The following LAMA2 variants were observed in gnomAD, a reference collection of about 807,000 sequenced individuals.
The protein encoded by LAMA2 is laminin subunit alpha-2.
A neutral mutation model predicts 364.8 loss-of-function variants in LAMA2; 269 were observed. The ratio of observed to expected loss-of-function variants is 0.74; its 90% CI spans 0.67 to 0.82. The LOEUF is 0.82. Among genes scored for constraint, LAMA2 ranks in the 40% least tolerant of loss-of-function variants. The probability of loss-of-function intolerance (pLI) is 0.00; values close to 1 mark genes in which losing one functional copy is unlikely to be tolerated. For synonymous variants in LAMA2, 1,379 were observed against 1,370.6 expected (o/e 1.01, Z -0.14); for missense variants, 3,807 against 3,873.2 (o/e 0.98, Z 0.45).
intron 45 of LAMA2, 42 bp downstream of exon 45, chr6:129,445,863 T>C (rs767069876): frequency 6.4e-7 from 1 of 1,550,640 alleles, no homozygotes; most frequent in Non-Finnish European, 8.9e-7. Flanking sequence ...TGATTGTAAT[T>C]GTTGGATTAT....
chr6:129,229,582 G>C (rs1784546385), intron 12 of LAMA2, among the ~76,000 whole-genome samples: 1 of 152,166 alleles, frequency 6.6e-6, no homozygotes, highest in South Asian at 2.1e-4. Context: ...TTGTTACTTT[G>C]AGAGTTGGTT....
At chr6:128,970,222 G>GTTTTT (rs1782104055) in intron 1 of LAMA2, among the ~76,000 whole-genome samples, 1 of 151,708 alleles carries the variant, frequency 6.6e-6, no homozygotes. Context: ...TTTTTGTTTT[G>GTTTTT]TTTAATCAAT....
At chr6:129,394,797 C>T (rs978225981) in intron 37 of LAMA2, among the ~76,000 whole-genome samples, 7 of 152,240 alleles carry the variant, frequency 4.6e-5, no homozygotes, top group African/African-American at 9.6e-5. Flanking sequence ...TTTAGCTATT[C>T]GTTTCTTTTA....
At position 129,478,756 on chromosome 6, in the gene LAMA2, G is replaced by A. The variant is rs200364360; in HGVS notation, c.7515G>A (p.Pro2505=). The A allele has an allele frequency of 9.9e-5, 159 of 1,612,428 alleles. No individual in the cohort carries two copies. The highest frequency in any genetic ancestry group is 1.2e-4 in the Non-Finnish European group (137 of 1,178,646). ...AAGATATTGAAATTTCAAGAACTCC[G>A]TACAATATACTCAGTAGTCCCGATT... ...CLKDIEISRT[P]YNILSSPDYV... Residue 2505 remains proline, a synonymous_variant, in exon 54 of 65, where the codon CCG becomes CCA. Coordinates refer to ENST00000421865, the MANE Select transcript of LAMA2 (RefSeq NM_000426.4).
intron 63 of LAMA2, among the ~76,000 whole-genome samples, chr6:129,513,450 T>C (rs2114935030): frequency 6.6e-6 from 1 of 152,330 alleles, no homozygotes; most frequent in Non-Finnish European, 1.5e-5. Flanking sequence ...TGTGCGTTTC[T>C]CACCAAGCTC....
chr6:128,973,837 G>A (rs919428505), intron 1 of LAMA2, among the ~76,000 whole-genome samples: 5 of 152,100 alleles, frequency 3.3e-5, no homozygotes, highest in African/African-American at 9.7e-5. Context: ...AGTAACTATG[G>A]CAACTCACTG....
chr6:129,349,513 A>C, intron 31 of LAMA2, 129 bp downstream of exon 31: 1 of 787,332 alleles, frequency 1.3e-6, no homozygotes, highest in Non-Finnish European at 2.1e-6. Flanking sequence ...TTAAATTACA[A>C]TGCTTTCAAA....
intron 1 of LAMA2, among the ~76,000 whole-genome samples, chr6:128,935,865 G>A (rs1779782192): frequency 6.6e-6 from 1 of 152,100 alleles, no homozygotes; most frequent in Non-Finnish European, 1.5e-5. Context: ...GATAAGGTTA[G>A]GCTTTATGTC....
chr6:129,514,274 CTGA>C, intron 63 of LAMA2, 96 bp from the exon 64 acceptor site: 2 of 895,242 alleles, frequency 2.2e-6, no homozygotes, highest in South Asian at 2.8e-5. Context: ...ATGATTCTGG[CTGA>C]TGTCTTTCCT....
chr6:129,503,376 C>T (rs1785802521), intron 60 of LAMA2, 96 bp downstream of exon 60: 1 of 1,129,248 alleles, frequency 8.9e-7, no homozygotes, highest in African/African-American at 1.5e-5. Flanking sequence ...CCAGGGCAGA[C>T]ACTGACTCTG....
At chr6:128,968,665 A>T (rs1011614328) in intron 1 of LAMA2, among the ~76,000 whole-genome samples, 1 of 152,090 alleles carries the variant, frequency 6.6e-6, no homozygotes, top group Admixed American at 6.6e-5. Context: ...TGAACATCTC[A>T]TGTAGGGTAT....
intron 35 of LAMA2, among the ~76,000 whole-genome samples, chr6:129,383,854 A>G (rs1264286463): frequency 6.6e-6 from 1 of 152,230 alleles, no homozygotes; most frequent in Non-Finnish European, 1.5e-5. Context: ...CCCCCAAAAA[A>G]ACCTAGTCCT....
chr6:129,501,660 A>T (rs1360876935), intron 58 of LAMA2, among the ~76,000 whole-genome samples: 1 of 152,216 alleles, frequency 6.6e-6, no homozygotes, highest in African/African-American at 2.4e-5. Flanking sequence ...CGGCCCAGCC[A>T]GAGCTATTAA....
At chr6:129,030,442 A>G (rs1292966451) in intron 1 of LAMA2, among the ~76,000 whole-genome samples, 1 of 152,116 alleles carries the variant, frequency 6.6e-6, no homozygotes, top group Non-Finnish European at 1.5e-5. Flanking sequence ...CTGGGACTGG[A>G]ATTAGAAACA....
At chr6:129,175,224 C>T (rs1562301681) in intron 9 of LAMA2, among the ~76,000 whole-genome samples, 1 of 152,178 alleles carries the variant, frequency 6.6e-6, no homozygotes, top group African/African-American at 2.4e-5. Context: ...TTTTGCTCAT[C>T]TGGATTCATA....
intron 40 of LAMA2, among the ~76,000 whole-genome samples, chr6:129,410,557 G>A (rs181394465): frequency 9.3e-4 from 141 of 152,120 alleles, no homozygotes; most frequent in African/African-American, 3.2e-3. Context: ...TTAGAAATTG[G>A]GAAAAGTTTA....
chr6:129,016,313 T>C (rs1279407550), intron 1 of LAMA2, among the ~76,000 whole-genome samples: 7 of 152,042 alleles, frequency 4.6e-5, no homozygotes, highest in East Asian at 1.9e-4. Flanking sequence ...TACTCTATGA[T>C]GTTGCAATTC....
At position 128,883,303 on chromosome 6, in the gene LAMA2, G is replaced by A. The variant is rs779423546; in HGVS notation, c.58G>A (p.Val20Ile). ...GCTGCTCTCCGGAGGCCTCGGGGGC[G>A]TACAGGCGCAGCGGCCGCAGCAGCA... ...LLLLSGGLGG[V>I]QAQRPQQQRQ... The change falls in exon 1 of 65, where the codon GTA (valine) becomes ATA (isoleucine). Residue 20 changes from valine (V) to isoleucine (I), a missense_variant. Physicochemically the swap from Val to Ile is conservative, Grantham distance 29. Coordinates refer to ENST00000421865, the MANE Select transcript of LAMA2 (RefSeq NM_000426.4). The A allele has an allele frequency of 6.3e-7, 1 of 1,593,008 alleles. No individual in the cohort carries two copies. Among genetic ancestry groups the A allele is most frequent in the Non-Finnish European group, 8.5e-7 (1 of 1,170,020 alleles).
chr6:129,480,862 A>T (rs962837143), intron 54 of LAMA2, among the ~76,000 whole-genome samples: 1 of 152,166 alleles, frequency 6.6e-6, no homozygotes, highest in African/African-American at 2.4e-5. Context: ...TTTATTCAAG[A>T]GATATTCGTT....
Sources: gnomAD v4.1 joint callset for allele counts (sites outside exome capture counted in the v4.1 genomes callset) on GRCh38, gnomAD v4.1.1 for gene constraint, MANE v1.5 for transcripts, NCBI Gene and HGNC (gene_info 2026-07-23, HGNC 2026-07-21) for gene names.